The following IQSEC1 variants were observed in gnomAD, a reference collection of about 807,000 sequenced individuals.
IQSEC1 encodes IQ motif and Sec7 domain ArfGEF 1.
A neutral mutation model predicts 91.0 loss-of-function variants in IQSEC1; 31 were observed. That is an observed-to-expected ratio of 0.34 (90% CI 0.26 to 0.46). The LOEUF (loss-of-function observed/expected upper bound fraction) is 0.46. Among genes scored for constraint, IQSEC1 ranks in the 20% least tolerant of loss-of-function variants. IQSEC1 has a pLI of 1.00. For synonymous variants in IQSEC1, 699 were observed against 662.6 expected (o/e 1.05, Z -0.84); for missense variants, 1,388 against 1,575.6 (o/e 0.88, Z 2.02).
intron 1 of IQSEC1, among the ~76,000 whole-genome samples, chr3:13,062,919 G>A (rs1167573287): frequency 2.0e-5 from 3 of 152,206 alleles, no homozygotes; most frequent in East Asian, 1.9e-4. Context: ...CAGGTCAGCC[G>A]CCTGCTGAGC....
At chr3:12,990,197 A>C (rs1701924602) in intron 1 of IQSEC1, among the ~76,000 whole-genome samples, 1 of 152,200 alleles carries the variant, frequency 6.6e-6, no homozygotes, top group African/African-American at 2.4e-5. Context: ...TGAAAAAATA[A>C]ATCATTGGCT....
chr3:13,078,438 C>T (rs931121190), intron 2 of IQSEC1, among the ~76,000 whole-genome samples: 1 of 152,204 alleles, frequency 6.6e-6, no homozygotes, highest in African/African-American at 2.4e-5. Context: ...CTCCCGCACC[C>T]AACGGCTGCC....
At chr3:13,015,308 G>T (rs905069919) in intron 1 of IQSEC1, among the ~76,000 whole-genome samples, 7 of 152,308 alleles carry the variant, frequency 4.6e-5, no homozygotes, top group Admixed American at 3.3e-4. Context: ...CCCTAATGGG[G>T]CCTGGGGCTG....
intron 1 of IQSEC1, among the ~76,000 whole-genome samples, chr3:13,231,611 T>C (rs1293656927): frequency 6.6e-6 from 1 of 152,158 alleles, no homozygotes; most frequent in Non-Finnish European, 1.5e-5. Context: ...CATGTGAACC[T>C]GGGGGACACA....
At chr3:13,177,727 C>T (rs1177582596) in intron 1 of IQSEC1, among the ~76,000 whole-genome samples, 1 of 152,248 alleles carries the variant, frequency 6.6e-6, no homozygotes, top group Non-Finnish European at 1.5e-5. Context: ...CGGCCACCCA[C>T]ACTGCCTGTC....
chr3:12,996,628 G>A (rs950230962), intron 1 of IQSEC1, among the ~76,000 whole-genome samples: 4 of 152,078 alleles, frequency 2.6e-5, no homozygotes, highest in East Asian at 1.9e-4. Context: ...GAAAAAAAAT[G>A]TCTGCTGCAG....
At chr3:12,995,090 G>T (rs1355186553) in intron 1 of IQSEC1, 2 of 152,276 alleles carry the variant, frequency 1.3e-5, no homozygotes, top group African/African-American at 4.8e-5. Flanking sequence ...GAACCCCGCC[G>T]GTCTGGAGCG....
At chr3:13,227,397 GAAAGAAAGA>G (rs374895817) in intron 1 of IQSEC1, among the ~76,000 whole-genome samples, 57 of 94,012 alleles carry the variant, frequency 6.1e-4, no homozygotes, top group African/African-American at 1.5e-3. Context: ...AAAAAAAAAA[GAAAGAAAGA>G]AAAGAAAACG....
At chr3:13,140,373 C>G (rs897237418) in intron 2 of IQSEC1, among the ~76,000 whole-genome samples, 5 of 152,226 alleles carry the variant, frequency 3.3e-5, no homozygotes, top group African/African-American at 1.2e-4. Context: ...GAAGCCTGAG[C>G]TACATACCTG....
chr3:12,957,863 C>T (rs564538481), intron 1 of IQSEC1, among the ~76,000 whole-genome samples: 16 of 152,358 alleles, frequency 1.1e-4, no homozygotes, highest in Admixed American at 2.0e-4. Context: ...CCATGAACTA[C>T]GGTGACACAT....
chr3:12,958,861 A>G (rs1389873398), intron 1 of IQSEC1, among the ~76,000 whole-genome samples: 2 of 152,212 alleles, frequency 1.3e-5, no homozygotes, highest in South Asian at 2.1e-4. Context: ...CACTTGCTAC[A>G]TGCCAGGCTC....
At position 13,014,315 on chromosome 3, in the gene IQSEC1, C is replaced by G. The variant is rs370561945; in HGVS notation, c.23+58677G>C. Among the ~76,000 whole-genome samples, 35 of 152,344 alleles carry G rather than the reference C, an allele frequency of 2.3e-4. No homozygotes were observed. In the South Asian group the frequency reaches 4.8e-3, roughly 21 times the overall value. ...GGCCTGCTTCACCATCTAAGCCTCACAACAACCCCGGAAGGGAGGACTTTC... is the reference window on the plus strand; with the variant it reads ...GGCCTGCTTCACCATCTAAGCCTCAGAACAACCCCGGAAGGGAGGACTTTC... On this transcript the variant is annotated intron_variant, in intron 1 of 13. Coordinates refer to ENST00000613206, the MANE Select transcript of IQSEC1 (RefSeq NM_001134382.3).
intron 2 of IQSEC1, among the ~76,000 whole-genome samples, chr3:13,093,976 A>G (rs1429408135): frequency 2.0e-5 from 3 of 152,208 alleles, no homozygotes; most frequent in African/African-American, 7.2e-5. Flanking sequence ...GCGCTTTTGC[A>G]GATCTGAAAA....
At chr3:12,988,790 C>A (rs145414193) in intron 1 of IQSEC1, among the ~76,000 whole-genome samples, 5,098 of 152,258 alleles carry the variant, frequency 0.033, 118 homozygotes, top group Non-Finnish European at 0.052. Flanking sequence ...TCCTTGCACC[C>A]TTCTCTATGA....
intron 2 of IQSEC1, among the ~76,000 whole-genome samples, chr3:13,086,270 G>A (rs1332901581): frequency 6.6e-6 from 1 of 152,238 alleles, no homozygotes; most frequent in African/African-American, 2.4e-5. Context: ...TGAGGAGGGT[G>A]ACAGGAGATG....
At chr3:12,973,486 C>T (rs973706729) in intron 1 of IQSEC1, among the ~76,000 whole-genome samples, 1 of 152,178 alleles carries the variant, frequency 6.6e-6, no homozygotes, top group South Asian at 2.1e-4. Context: ...GCGCTCCATG[C>T]ACCTTCCTGG....
intron 1 of IQSEC1, among the ~76,000 whole-genome samples, chr3:12,956,081 C>T (rs1388942483): frequency 2.6e-5 from 4 of 152,226 alleles, no homozygotes; most frequent in Non-Finnish European, 5.9e-5. Flanking sequence ...CATATTCCCA[C>T]TTGATAACAG....
At chr3:13,083,063 C>G (rs929024234) in intron 2 of IQSEC1, among the ~76,000 whole-genome samples, 1 of 152,214 alleles carries the variant, frequency 6.6e-6, no homozygotes, top group Admixed American at 6.5e-5. Flanking sequence ...GGTTTACTAT[C>G]ATGTGACCAC....
At chr3:13,036,161 G>A (rs1406701587) in intron 1 of IQSEC1, among the ~76,000 whole-genome samples, 2 of 152,190 alleles carry the variant, frequency 1.3e-5, no homozygotes, top group Non-Finnish European at 2.9e-5. Context: ...GTGTTACACC[G>A]TCATAACAAC....
Sources: allele counts gnomAD v4.1 joint callset (sites outside exome capture counted in the v4.1 genomes callset), GRCh38; gene constraint gnomAD v4.1.1; transcripts MANE v1.5; gene names NCBI Gene and HGNC (gene_info 2026-07-23, HGNC 2026-07-21).